The following KLHL14 variants were observed in gnomAD, a reference collection of about 807,000 sequenced individuals.
KLHL14 encodes kelch-like protein 14.
Under a neutral mutation model 64.3 loss-of-function variants are expected in KLHL14, and 22 were observed. The ratio of observed to expected loss-of-function variants is 0.34; its 90% CI spans 0.24 to 0.49. The LOEUF (loss-of-function observed/expected upper bound fraction) is 0.49. Ranked by LOEUF, KLHL14 falls within the 20% of genes least tolerant of loss-of-function variation. KLHL14 has a pLI of 0.99. For synonymous variants in KLHL14, 322 were observed against 333.4 expected, an observed-to-expected ratio of 0.97 and a Z score of 0.37; for missense variants, 661 against 789.0, an observed-to-expected ratio of 0.84 and a Z score of 1.94.
At chr18:32,768,458 G>A (rs1245321865) in intron 2 of KLHL14, among the ~76,000 whole-genome samples, 2 of 149,762 alleles carry the variant, frequency 1.3e-5, no homozygotes, top group Non-Finnish European at 3.0e-5. Flanking sequence ...GGCTGCACAA[G>A]GTGGGCCCCA....
intron 5 of KLHL14, among the ~76,000 whole-genome samples, chr18:32,686,320 G>T (rs939290487): frequency 1.3e-5 from 2 of 151,538 alleles, no homozygotes; most frequent in Non-Finnish European, 2.9e-5. Flanking sequence ...ATAGTTTGCA[G>T]CTTACTGTCT....
intron 3 of KLHL14, among the ~76,000 whole-genome samples, chr18:32,734,973 A>T (rs1016928280): frequency 6.6e-6 from 1 of 152,182 alleles, no homozygotes; most frequent in African/African-American, 2.4e-5. Flanking sequence ...AAAAAGTTGC[A>T]TTGAATTGTG....
rs1568061832 is a variant in KLHL14, at chr18:32,677,240, C to A, written c.1679G>T (p.Arg560Leu). 6.2e-7 allele frequency: 1 copy of A among 1,613,548 alleles called. No individual in the cohort carries two copies. Among genetic ancestry groups the A allele is most frequent in the Non-Finnish European group, 8.5e-7 (1 of 1,179,706 alleles). Residue 560 changes from arginine (R) to leucine (L), a missense_variant, in exon 8 of 9, where the codon CGA becomes CTA. Arg to Leu is a moderately radical substitution (Grantham distance 102, BLOSUM62 -2). Coordinates refer to ENST00000359358, the MANE Select transcript of KLHL14 (RefSeq NM_020805.3). ...AAGCACTGCACAGCCAGGGCCACTT[C>A]GACCCTCCAAAATGGGAGTTTGGAG... ...NILQTPILEG[R>L]SGPGCAVLDD...
chr18:32,771,401 G>C (rs1320794822), intron 1 of KLHL14, among the ~76,000 whole-genome samples: 1 of 152,102 alleles, frequency 6.6e-6, no homozygotes, highest in Non-Finnish European at 1.5e-5. Flanking sequence ...CCTCAACCTG[G>C]CCCTGCCCGC....
chr18:32,697,483 T>C (rs112302701), intron 3 of KLHL14, among the ~76,000 whole-genome samples: 6 of 152,224 alleles, frequency 3.9e-5, no homozygotes, highest in African/African-American at 1.4e-4. Flanking sequence ...ACAACGAACT[T>C]ATTCTATGAC....
At chr18:32,768,314 G>A (rs1395913227) in intron 2 of KLHL14, among the ~76,000 whole-genome samples, 1 of 151,534 alleles carries the variant, frequency 6.6e-6, no homozygotes, top group Non-Finnish European at 1.5e-5. Flanking sequence ...CTTAACACAA[G>A]AGCTGCCTAA....
intron 3 of KLHL14, chr18:32,737,974 A>C (rs1248497552): frequency 1.3e-5 from 2 of 152,194 alleles, no homozygotes; most frequent in African/African-American, 4.8e-5. Context: ...ACATGGAAGG[A>C]TAAATCTATA....
intron 3 of KLHL14, among the ~76,000 whole-genome samples, chr18:32,703,143 A>C (rs941880160): frequency 7.2e-5 from 11 of 152,244 alleles, no homozygotes; most frequent in African/African-American, 2.7e-4. Flanking sequence ...TGAGCCCCTG[A>C]AGGCCAGATG....
At chr18:32,752,586 G>C (rs2144540944) in intron 2 of KLHL14, among the ~76,000 whole-genome samples, 1 of 152,210 alleles carries the variant, frequency 6.6e-6, no homozygotes, top group Middle Eastern at 3.4e-3. Context: ...TTGTCTTATA[G>C]AATAGGAGCC....
chr18:32,772,160 G>A, intron 1 of KLHL14: 1 of 316,438 alleles, frequency 3.2e-6, no homozygotes, highest in South Asian at 2.7e-5. Flanking sequence ...CCGGCTCGGA[G>A]GGATCCCGGC....
At chr18:32,748,297 C>A (rs1015947648) in intron 2 of KLHL14, among the ~76,000 whole-genome samples, 1 of 152,076 alleles carries the variant, frequency 6.6e-6, no homozygotes, top group Admixed American at 6.5e-5. Context: ...TCATTGCAAC[C>A]TCTGCCTCCC....
At chr18:32,694,703 T>C (rs1314085802) in intron 4 of KLHL14, among the ~76,000 whole-genome samples, 1 of 151,994 alleles carries the variant, frequency 6.6e-6, no homozygotes, top group Non-Finnish European at 1.5e-5. Flanking sequence ...TGTTCTGGGG[T>C]TTTAAAGTAA....
rs938038874 is a variant in KLHL14, at chr18:32,715,509, AT to A, written c.1070-19958del. Among the ~76,000 whole-genome samples the A allele has an allele frequency of 2.9e-4, 39 of 135,646 alleles. No homozygotes were observed. In the South Asian group the frequency reaches 3.1e-3, roughly 11 times the overall value. 89.0% of individuals were successfully genotyped at this position (135,646 alleles called of 152,430 possible). A position where few individuals can be genotyped will look rare whatever the true frequency, so the allele number is the denominator to read the frequency against. ...ATGCATGGGTATTTACCGACGGATG[AT>A]TTTTTTTTTAGTAGCTTCAACCTAT... is the stretch of plus-strand genomic sequence containing the variant. On this transcript the variant is annotated intron_variant, in intron 3 of 8. Transcript: ENST00000359358.
chr18:32,770,369 G>T lies in KLHL14; in HGVS notation c.223C>A (p.Gln75Lys). ...HPPLGGGVGG[Q>K]DGLGAPKDQQ... ...TCCTTGGGGGCCCCCAGGCCGTCCT[G>T]GCCGCCGACCCCTCCCCCGAGAGGG... The change falls in exon 2 of 9, where the codon CAG (glutamine) becomes AAG (lysine). Residue 75 changes from glutamine (Q) to lysine (K), a missense_variant. Gln to Lys is a moderately conservative substitution (Grantham distance 53, BLOSUM62 1). Transcript: ENST00000359358. This position sits in a 1 kb window ranked among gnomAD's most constrained non-coding sequence, Gnocchi z 6.7. The T allele has an allele frequency of 6.3e-7, 1 of 1,588,272 alleles. No individual in the cohort carries two copies. The highest frequency in any genetic ancestry group is 8.6e-7 in the Non-Finnish European group (1 of 1,166,774).
Position 32,687,249 on chromosome 18 carries a change from C to A in KLHL14, c.1160-16G>T. 1.9e-6 allele frequency: 3 copies of A among 1,596,294 alleles called. No individual in the cohort carries two copies. The highest frequency in any genetic ancestry group is 2.6e-6 in the Non-Finnish European group (3 of 1,163,952). On this transcript the variant is annotated splice_polypyrimidine_tract_variant and intron_variant, in intron 4 of 8. Coordinates refer to ENST00000359358, the MANE Select transcript of KLHL14 (RefSeq NM_020805.3). ...CTGTGTTTTCCTGTAAAAATGCATT[C>A]GAGACATTTAAAACTTAGATTCTTT...
intron 3 of KLHL14, among the ~76,000 whole-genome samples, chr18:32,724,673 G>C (rs1429994941): frequency 6.6e-6 from 1 of 152,184 alleles, no homozygotes; most frequent in Non-Finnish European, 1.5e-5. Flanking sequence ...CTTGTGTATA[G>C]AAGTTCTTCG....
At chr18:32,708,203 G>A (rs10502605) in intron 3 of KLHL14, among the ~76,000 whole-genome samples, 31,740 of 152,110 alleles carry the variant, frequency 0.21, 3,809 homozygotes, top group Middle Eastern at 0.27. Flanking sequence ...AAGAAAGCAT[G>A]GCTCCAATTT....
chr18:32,748,518 C>T (rs2144537001), intron 2 of KLHL14, among the ~76,000 whole-genome samples: 1 of 152,148 alleles, frequency 6.6e-6, no homozygotes, highest in Non-Finnish European at 1.5e-5. Flanking sequence ...TACAGGCGCC[C>T]GCCATCACGC....
At chr18:32,771,038 G>C (rs1375032534) in intron 1 of KLHL14, 2 of 334,244 alleles carry the variant, frequency 6.0e-6, no homozygotes, top group African/African-American at 4.5e-5. Context: ...GCCAGATGAA[G>C]GGAAAGGCCG....
Sources: allele counts gnomAD v4.1 joint callset (sites outside exome capture counted in the v4.1 genomes callset), GRCh38; gene constraint gnomAD v4.1.1; non-coding constraint Gnocchi (gnomAD v3.1); transcripts MANE v1.5; gene names NCBI Gene and HGNC (gene_info 2026-07-23, HGNC 2026-07-21).